CSMD1: variants seen among roughly 807,000 people sequenced by gnomAD.
The protein encoded by CSMD1 is CUB and Sushi multiple domains 1.
Under a neutral mutation model 417.5 loss-of-function variants are expected in CSMD1, and 213 were observed. That is an observed-to-expected ratio of 0.51 (90% CI 0.46 to 0.57). CSMD1 has a LOEUF of 0.57. CSMD1 is among the 20% of genes least tolerant of loss of function. The probability of loss-of-function intolerance (pLI) is 0.00; values close to 1 mark genes in which losing one functional copy is unlikely to be tolerated. For missense variants in CSMD1, 6,923 were observed against 4,529.7 expected, an observed-to-expected ratio of 1.53 and a Z score of -15.17; for synonymous variants, 2,862 against 1,736.8, an observed-to-expected ratio of 1.65 and a Z score of -16.11.
chr8:3,407,787 TA>T, intron 14 of CSMD1, 111 bp downstream of exon 14: 1 of 915,336 alleles, frequency 1.1e-6, no homozygotes, highest in Non-Finnish European at 1.6e-6. Flanking sequence ...ATAATGATTA[TA>T]AAACCTCTGA....
chr8:4,985,327 T>C (rs1034519377), intron 1 of CSMD1, among the ~76,000 whole-genome samples: 1 of 151,590 alleles, frequency 6.6e-6, no homozygotes, highest in Admixed American at 6.6e-5. Flanking sequence ...CATTTACCTA[T>C]GTAACAAAAC....
chr8:4,461,872 C>T (rs1490650194), intron 2 of CSMD1, among the ~76,000 whole-genome samples: 1 of 151,540 alleles, frequency 6.6e-6, no homozygotes, highest in African/African-American at 2.4e-5. Flanking sequence ...TCCCGAGTAG[C>T]TCGGACTACA....
intron 1 of CSMD1, among the ~76,000 whole-genome samples, chr8:4,726,637 C>G (rs2116934789): frequency 6.6e-6 from 1 of 152,294 alleles, no homozygotes; most frequent in South Asian, 2.1e-4. Context: ...ATCATTATTT[C>G]AAGGTACTTC....
chr8:4,306,315 C>T (rs1007367098), intron 3 of CSMD1, among the ~76,000 whole-genome samples: 10 of 152,156 alleles, frequency 6.6e-5, no homozygotes, highest in Non-Finnish European at 1.0e-4. Flanking sequence ...CAGCCCAGCT[C>T]GATCCTTCCA....
At chr8:4,171,271 T>C (rs1481014428) in intron 3 of CSMD1, among the ~76,000 whole-genome samples, 2 of 151,954 alleles carry the variant, frequency 1.3e-5, no homozygotes, top group Non-Finnish European at 2.9e-5. Flanking sequence ...AACTCATTCA[T>C]TCACCTGGCA....
intron 5 of CSMD1, among the ~76,000 whole-genome samples, chr8:3,764,332 T>C (rs1798157015): frequency 6.6e-6 from 1 of 152,194 alleles, no homozygotes; most frequent in Admixed American, 6.5e-5. Context: ...AGTGTACTTG[T>C]GCTCCCTGCC....
chr8:4,936,276 A>G (rs1337554516), intron 1 of CSMD1, among the ~76,000 whole-genome samples: 1 of 152,214 alleles, frequency 6.6e-6, no homozygotes, highest in Non-Finnish European at 1.5e-5. Flanking sequence ...TTTATCTTTG[A>G]AATTTCAATT....
chr8:3,768,591 C>G (rs1001474748), intron 5 of CSMD1, among the ~76,000 whole-genome samples: 3 of 152,192 alleles, frequency 2.0e-5, no homozygotes, highest in Non-Finnish European at 4.4e-5. Context: ...AAGTTCAACA[C>G]AGAGTGTAAC....
intron 5 of CSMD1, among the ~76,000 whole-genome samples, chr8:3,821,979 A>G (rs1281630686): frequency 6.6e-6 from 1 of 152,024 alleles, no homozygotes; most frequent in African/African-American, 2.4e-5. Context: ...TTCCCTTCAC[A>G]TTCTTTGCTC....
At chr8:4,457,279 T>G (rs1438959515) in intron 2 of CSMD1, among the ~76,000 whole-genome samples, 1 of 152,170 alleles carries the variant, frequency 6.6e-6, no homozygotes, top group Admixed American at 6.5e-5. Flanking sequence ...TACTTACATA[T>G]ATCATTTGAA....
chr8:4,932,598 C>G (rs1333043115), intron 1 of CSMD1, among the ~76,000 whole-genome samples: 1 of 152,146 alleles, frequency 6.6e-6, no homozygotes, highest in South Asian at 2.1e-4. Context: ...AGGATTTTGG[C>G]AAATAGACCC....
rs562563139 is a variant in CSMD1, at chr8:3,631,345, G to C, written c.1010-14548C>G. ...TGTTCTCATTCTGAGTCTGCACAGAGACTGTCACACAGTAAGAAAGCAACA... is the reference window on the plus strand; with the variant it reads ...TGTTCTCATTCTGAGTCTGCACAGACACTGTCACACAGTAAGAAAGCAACA... On this transcript the variant is annotated intron_variant, in intron 7 of 69. Coordinates refer to ENST00000635120, the MANE Select transcript of CSMD1 (RefSeq NM_033225.6). Among the ~76,000 whole-genome samples the C allele has an allele frequency of 6.5e-4, 99 of 152,314 alleles. 1 individual carries two copies. Among genetic ancestry groups the C allele is most frequent in the Admixed American group, 2.8e-3 (43 of 15,298 alleles).
At chr8:4,327,682 A>G (rs1386297272) in intron 3 of CSMD1, among the ~76,000 whole-genome samples, 4 of 152,218 alleles carry the variant, frequency 2.6e-5, no homozygotes, top group African/African-American at 9.6e-5. Flanking sequence ...TCTAGAATGT[A>G]TTTTGTTTAC....
At chr8:3,338,903 T>C (rs866950648) in intron 23 of CSMD1, among the ~76,000 whole-genome samples, 8 of 151,738 alleles carry the variant, frequency 5.3e-5, no homozygotes, top group African/African-American at 1.5e-4. Flanking sequence ...GTTACATATG[T>C]ATACATGTGC....
chr8:4,089,789 C>G (rs1374672246), intron 3 of CSMD1, among the ~76,000 whole-genome samples: 1 of 152,054 alleles, frequency 6.6e-6, no homozygotes, highest in Non-Finnish European at 1.5e-5. Context: ...AATAATGCCA[C>G]TCAGTCTACC....
chr8:4,803,597 T>A (rs922302637), intron 1 of CSMD1, among the ~76,000 whole-genome samples: 1 of 152,196 alleles, frequency 6.6e-6, no homozygotes, highest in Non-Finnish European at 1.5e-5. Context: ...ACTATTGTTT[T>A]GTAGATCTTA....
At chr8:4,593,012 A>T (rs963461352) in intron 2 of CSMD1, among the ~76,000 whole-genome samples, 1 of 152,170 alleles carries the variant, frequency 6.6e-6, no homozygotes, top group African/African-American at 2.4e-5. Flanking sequence ...CTATTTAGAA[A>T]ATTTCTTATT....
intron 3 of CSMD1, among the ~76,000 whole-genome samples, chr8:4,054,609 T>G (rs1412344750): frequency 6.6e-6 from 1 of 152,110 alleles, no homozygotes; most frequent in Admixed American, 6.5e-5. Context: ...TGTATTTAGC[T>G]TATTTCCCCA....
intron 2 of CSMD1, among the ~76,000 whole-genome samples, chr8:4,460,963 T>A (rs965044310): frequency 1.3e-5 from 2 of 152,070 alleles, no homozygotes; most frequent in Non-Finnish European, 2.9e-5. Context: ...TAGTTATAGA[T>A]AGAAACTACA....
Sources: allele counts gnomAD v4.1 joint callset (sites outside exome capture counted in the v4.1 genomes callset), GRCh38; gene constraint gnomAD v4.1.1; transcripts MANE v1.5; gene names NCBI Gene and HGNC (gene_info 2026-07-23, HGNC 2026-07-21).